The following BCAT1 variants were observed in gnomAD, a reference collection of about 807,000 sequenced individuals.
The protein encoded by BCAT1 is branched chain amino acid transaminase 1, also known as branched-chain-amino-acid aminotransferase, cytosolic.
BCAT1 carries 48 observed loss-of-function variants against 52.4 expected under a neutral mutation model. The observed-to-expected ratio is 0.92, with a 90% CI of 0.73 to 1.16. BCAT1 has a LOEUF of 1.16. Among genes scored for constraint, BCAT1 ranks in the 50% most tolerant of loss-of-function variants. BCAT1 has a pLI of 0.00. For synonymous variants in BCAT1, 167 were observed against 161.3 expected, an observed-to-expected ratio of 1.04 and a Z score of -0.27; for missense variants, 451 against 457.1, an observed-to-expected ratio of 0.99 and a Z score of 0.12.
chr12:24,868,254 T>A (rs2139549627), intron 5 of BCAT1, among the ~76,000 whole-genome samples: 1 of 152,294 alleles, frequency 6.6e-6, no homozygotes, highest in East Asian at 1.9e-4. Context: ...TAATGTTACA[T>A]CTTGTAATTT....
chr12:24,839,972 G>T (rs1025867191), intron 7 of BCAT1, among the ~76,000 whole-genome samples: 1 of 151,050 alleles, frequency 6.6e-6, no homozygotes, highest in African/African-American at 2.4e-5. Flanking sequence ...AATTTTATTT[G>T]TTCTGTTAGA....
chr12:24,857,165 A>T (rs1170337462), intron 5 of BCAT1, among the ~76,000 whole-genome samples: 1 of 152,118 alleles, frequency 6.6e-6, no homozygotes, highest in Non-Finnish European at 1.5e-5. Context: ...TTCTGGTTTG[A>T]TATCTATGTG....
chr12:24,843,828 A>G (rs1941251396), intron 6 of BCAT1, among the ~76,000 whole-genome samples: 1 of 152,150 alleles, frequency 6.6e-6, no homozygotes, highest in African/African-American at 2.4e-5. Flanking sequence ...AGACAGTCAC[A>G]TGATTCCTTT....
chr12:24,827,265 A>G (rs1316815123), intron 10 of BCAT1, among the ~76,000 whole-genome samples: 3 of 152,162 alleles, frequency 2.0e-5, no homozygotes, highest in Admixed American at 6.5e-5. Flanking sequence ...TATTATTTTC[A>G]GATTTACTCA....
In BCAT1 at chr12:24,894,431, T is replaced by C. The variant is rs1565487191; in HGVS notation, c.123A>G (p.Lys41=). ...CAAAAACCAGATTATTGGGGTCTGG[T>C]TTTTCCTTTAAAATGGTAGCTGGTG... The part of the protein sequence containing the change: ...IVTPATILKE[K]PDPNNLVFGT... Residue 41 remains lysine (K), a synonymous_variant, in exon 3 of 11, where the codon AAA becomes AAG. Coordinates refer to ENST00000261192, the MANE Select transcript of BCAT1 (RefSeq NM_005504.7). 6.2e-7 allele frequency: 1 copy of C among 1,607,154 alleles called. No homozygotes were observed. The highest frequency in any genetic ancestry group is 8.5e-7 in the Non-Finnish European group (1 of 1,176,354).
chr12:24,876,761 C>T (rs1338654676), intron 5 of BCAT1, among the ~76,000 whole-genome samples: 2 of 152,090 alleles, frequency 1.3e-5, no homozygotes, highest in Non-Finnish European at 2.9e-5. Context: ...AATGAGAACA[C>T]ATGGGCACAT....
In BCAT1 at chr12:24,944,077, A is replaced by T. The variant is rs904511563; in HGVS notation, c.6+4850T>A. On this transcript the variant is annotated intron_variant, in intron 1 of 10. Coordinates refer to ENST00000261192, the MANE Select transcript of BCAT1 (RefSeq NM_005504.7). Reference sequence around the variant, plus strand: ...CAAGGAAGTCTTGCCTCAAACCTGCATGTGTTTCTTCTATAAACACCAGCA... The same window carrying T: ...CAAGGAAGTCTTGCCTCAAACCTGCTTGTGTTTCTTCTATAAACACCAGCA... 2.6e-5 allele frequency among the ~76,000 whole-genome samples: 4 copies of T among 152,336 alleles called. No individual in the cohort carries two copies. The East Asian group carries it at 7.7e-4, about 29-fold the overall frequency.
Position 24,827,769 on chromosome 12 carries a change from G to GC in BCAT1, c.1119+2053dup, listed in dbSNP as rs542874088. 2.6e-3 allele frequency among the ~76,000 whole-genome samples: 400 copies of GC among 152,272 alleles called. 1 individual carries two copies. The highest frequency in any genetic ancestry group is 9.4e-3 in the African/African-American group (390 of 41,566). Reference sequence around the variant, plus strand: ...ATTGCACCACTGCACCCCAGCCTGAGCAACAGAGTAAGACTCTGTCTCAAA... The same window carrying GC: ...ATTGCACCACTGCACCCCAGCCTGAGCCAACAGAGTAAGACTCTGTCTCAAA... On this transcript the variant is annotated intron_variant, in intron 10 of 10. Coordinates refer to ENST00000261192, the MANE Select transcript of BCAT1 (RefSeq NM_005504.7).
intron 9 of BCAT1, among the ~76,000 whole-genome samples, chr12:24,832,252 G>T (rs2139382553): frequency 6.6e-6 from 1 of 152,318 alleles, no homozygotes; most frequent in East Asian, 1.9e-4. Context: ...AGGTAAGACA[G>T]ATCTTACACG....
At chr12:24,854,802 T>C (rs986794863) in intron 5 of BCAT1, among the ~76,000 whole-genome samples, 2 of 152,154 alleles carry the variant, frequency 1.3e-5, no homozygotes, top group East Asian at 3.8e-4. Flanking sequence ...TAAGTTCTAG[T>C]TCTTCTCCTC....
rs185853903 is a variant in BCAT1, at chr12:24,838,619, C to T, written c.818-2023G>A. Among the ~76,000 whole-genome samples, 260 of 152,250 alleles carry T rather than the reference C, an allele frequency of 1.7e-3. 7 individuals are homozygous for T. The highest frequency in any genetic ancestry group is 0.015 in the Admixed American group (233 of 15,296). Reference sequence around the variant, plus strand: ...AATGAAAACAGCAGCCCCGCATGTGCAAGTGCTGTTTTGTGAAACATGTTT... The same window carrying T: ...AATGAAAACAGCAGCCCCGCATGTGTAAGTGCTGTTTTGTGAAACATGTTT... On this transcript the variant is annotated intron_variant, in intron 7 of 10. Coordinates refer to ENST00000261192, the MANE Select transcript of BCAT1 (RefSeq NM_005504.7).
intron 3 of BCAT1, among the ~76,000 whole-genome samples, chr12:24,892,093 T>C (rs7306822): frequency 0.041 from 6,177 of 150,796 alleles, 200 homozygotes; most frequent in African/African-American, 0.078. Context: ...TGTTTTGTTT[T>C]GTTTCAATAG....
intron 6 of BCAT1, among the ~76,000 whole-genome samples, chr12:24,848,526 T>C (rs781500546): frequency 6.6e-6 from 1 of 152,224 alleles, no homozygotes; most frequent in Non-Finnish European, 1.5e-5. Context: ...CCAGGTTATC[T>C]TTTTCCTAAA....
chr12:24,937,668 A>G (rs778999048), intron 1 of BCAT1, among the ~76,000 whole-genome samples: 3 of 152,114 alleles, frequency 2.0e-5, no homozygotes, highest in Non-Finnish European at 4.4e-5. Context: ...TGGGGCTGTG[A>G]GTCACCATGC....
intron 1 of BCAT1, among the ~76,000 whole-genome samples, chr12:24,940,016 A>T (rs1814422840): frequency 6.6e-6 from 1 of 152,170 alleles, no homozygotes; most frequent in African/African-American, 2.4e-5. Context: ...TACAGTGAAA[A>T]GGCTCACGGT....
intron 7 of BCAT1, among the ~76,000 whole-genome samples, chr12:24,839,350 G>A (rs1055796152): frequency 6.6e-6 from 1 of 152,166 alleles, no homozygotes; most frequent in African/African-American, 2.4e-5. Flanking sequence ...TGACGTGTCC[G>A]AGAAGACTCA....
Position 24,880,456 on chromosome 12 carries a change from C to A in BCAT1, c.390+845G>T, listed in dbSNP as rs193052424. Among the ~76,000 whole-genome samples, 712 of 149,602 alleles carry A rather than the reference C, an allele frequency of 4.8e-3. 15 individuals carry two copies. In the East Asian group the frequency reaches 0.051, roughly 11 times the overall value. On this transcript the variant is annotated intron_variant, in intron 4 of 10. Transcript: ENST00000261192. The stretch of plus-strand genomic sequence containing the variant: ...TGGGTGACAGAGTGAGACTCTCTCT[C>A]AAAAAAAAAATCTAACCCATCTTAC...
chr12:24,825,004 G>A (rs1415754558), intron 10 of BCAT1, among the ~76,000 whole-genome samples: 10 of 151,930 alleles, frequency 6.6e-5, no homozygotes, highest in Non-Finnish European at 1.5e-4. Flanking sequence ...TGTGATGTTT[G>A]TCTTTCGGTC....
At chr12:24,923,589 T>C (rs188826333) in intron 1 of BCAT1, among the ~76,000 whole-genome samples, 7 of 152,246 alleles carry the variant, frequency 4.6e-5, no homozygotes, top group Admixed American at 4.6e-4. Flanking sequence ...TGTTTGTTTT[T>C]TGTAGAGTTG....
Sources: allele counts gnomAD v4.1 joint callset (sites outside exome capture counted in the v4.1 genomes callset), GRCh38; gene constraint gnomAD v4.1.1; transcripts MANE v1.5; gene names NCBI Gene and HGNC (gene_info 2026-07-23, HGNC 2026-07-21).